Variants in KAT6B observed in about 807,000 individuals in gnomAD.
KAT6B encodes the protein lysine acetyltransferase 6B, also known as histone acetyltransferase KAT6B.
A neutral mutation model predicts 187.5 loss-of-function variants in KAT6B; 10 were observed. The observed-to-expected ratio is 0.05, with a 90% CI of 0.03 to 0.09. KAT6B has a LOEUF of 0.09. KAT6B is among the 10% of genes least tolerant of loss of function. KAT6B has a pLI of 1.00. For missense variants in KAT6B, 1,952 were observed against 2,558.9 expected (o/e 0.76, Z 5.12); for synonymous variants, 861 against 926.8 (o/e 0.93, Z 1.29).
chr10:74,973,037 G>T (rs1049047038), intron 7 of KAT6B, among the ~76,000 whole-genome samples: 9 of 152,148 alleles, frequency 5.9e-5, no homozygotes, highest in African/African-American at 1.9e-4. Flanking sequence ...TGTCACTCCA[G>T]ATAACATTTT....
intron 3 of KAT6B, among the ~76,000 whole-genome samples, chr10:74,918,009 T>G (rs1397191223): frequency 6.6e-6 from 1 of 152,234 alleles, no homozygotes; most frequent in South Asian, 2.1e-4. Flanking sequence ...AGTTTTGGCT[T>G]AAATTTTTTT....
chr10:74,853,881 G>A (rs141773091), intron 3 of KAT6B, among the ~76,000 whole-genome samples: 3,520 of 152,060 alleles, frequency 0.023, 134 homozygotes, highest in African/African-American at 0.08. Flanking sequence ...TGCCCACCTC[G>A]GCCTCCCAAA....
chr10:74,950,484 C>G (rs1462668875), intron 3 of KAT6B, among the ~76,000 whole-genome samples: 4 of 152,084 alleles, frequency 2.6e-5, no homozygotes, highest in Non-Finnish European at 5.9e-5. Flanking sequence ...ACAGGAAATC[C>G]CTACTTTTAG....
At chr10:74,861,130 C>A (rs1564527058) in intron 3 of KAT6B, among the ~76,000 whole-genome samples, 1 of 151,442 alleles carries the variant, frequency 6.6e-6, no homozygotes, top group Non-Finnish European at 1.5e-5. Context: ...GAGTGAACCT[C>A]CGTCTCAAAA....
chr10:74,881,685 G>A (rs779182605), intron 3 of KAT6B, among the ~76,000 whole-genome samples: 1 of 152,112 alleles, frequency 6.6e-6, no homozygotes, highest in South Asian at 2.1e-4. Context: ...ATGGGGTTTC[G>A]CTGTGTTGCC....
chr10:74,984,963 C>T, intron 11 of KAT6B, 117 bp from the exon 12 acceptor site: 1 of 960,026 alleles, frequency 1.0e-6, no homozygotes, highest in African/African-American at 1.6e-5. Flanking sequence ...GTTTTAATCT[C>T]TCAGTTTAGG....
chr10:74,889,194 A>AT (rs1261864584), intron 3 of KAT6B, among the ~76,000 whole-genome samples: 3 of 152,024 alleles, frequency 2.0e-5, no homozygotes, highest in African/African-American at 4.8e-5. Context: ...ATGTTGTCAA[A>AT]TTTTTTTTAC....
At chr10:75,001,879 G>T (rs1415770951) in intron 13 of KAT6B, among the ~76,000 whole-genome samples, 12 of 152,162 alleles carry the variant, frequency 7.9e-5, no homozygotes, top group Admixed American at 5.9e-4. Flanking sequence ...AACCAGGGCT[G>T]TGCAGGAGCC....
chr10:74,903,863 G>A (rs1352936940), intron 3 of KAT6B, among the ~76,000 whole-genome samples: 1 of 152,228 alleles, frequency 6.6e-6, no homozygotes, highest in Non-Finnish European at 1.5e-5. Flanking sequence ...CTCAGGGGTA[G>A]ACTTACAGGA....
chr10:74,977,495 A>G, intron 9 of KAT6B, 58 bp downstream of exon 9: 1 of 1,586,636 alleles, frequency 6.3e-7, no homozygotes, highest in Admixed American at 1.7e-5. Flanking sequence ...CTAACTATTA[A>G]TATGGAATTA....
At chr10:75,025,732 C>A (rs1388941262) in intron 17 of KAT6B, 1 of 170,150 alleles carries the variant, frequency 5.9e-6, no homozygotes, top group Non-Finnish European at 1.3e-5. Flanking sequence ...TATAAAGATT[C>A]ATCTAAACTA....
At chr10:74,982,013 G>A in intron 11 of KAT6B, 85 bp downstream of exon 11, 1 of 1,275,050 alleles carries the variant, frequency 7.8e-7, no homozygotes, top group Non-Finnish European at 1.1e-6. Flanking sequence ...TGTTTAGAAG[G>A]TACAAAGTAT....
intron 3 of KAT6B, among the ~76,000 whole-genome samples, chr10:74,906,903 A>C (rs1846802399): frequency 6.6e-6 from 1 of 152,146 alleles, no homozygotes; most frequent in South Asian, 2.1e-4. Context: ...CTACCTGGTC[A>C]CAGCTTTGCA....
chr10:74,945,204 A>C (rs887962596), intron 3 of KAT6B, among the ~76,000 whole-genome samples: 3 of 152,226 alleles, frequency 2.0e-5, no homozygotes, highest in Non-Finnish European at 2.9e-5. Flanking sequence ...GGAATAATCT[A>C]CTCACACATG....
At chr10:74,907,190 T>A (rs1450120343) in intron 3 of KAT6B, among the ~76,000 whole-genome samples, 1 of 152,154 alleles carries the variant, frequency 6.6e-6, no homozygotes, top group Non-Finnish European at 1.5e-5. Flanking sequence ...CTACAGAGAG[T>A]TGTCTGCTCT....
chr10:75,011,367 C>T (rs891198714), intron 13 of KAT6B, among the ~76,000 whole-genome samples: 90 of 152,286 alleles, frequency 5.9e-4, no homozygotes, highest in Non-Finnish European at 8.7e-4. Context: ...GGAAGACCTT[C>T]CTCTGCATGC....
intron 15 of KAT6B, 130 bp from the exon 16 acceptor site, chr10:75,021,751 G>C (rs1667721115): frequency 1.2e-6 from 1 of 868,676 alleles, no homozygotes; most frequent in South Asian, 1.4e-5. Flanking sequence ...AGATGATGCA[G>C]CTGGAATGTG....
intron 12 of KAT6B, among the ~76,000 whole-genome samples, chr10:74,987,932 C>A (rs1032355590): frequency 6.6e-6 from 1 of 152,184 alleles, no homozygotes; most frequent in African/African-American, 2.4e-5. Flanking sequence ...AGGGACAATT[C>A]ATCTTCTTAG....
chr10:74,923,310 T>C (rs1848273929), intron 3 of KAT6B, among the ~76,000 whole-genome samples: 1 of 152,178 alleles, frequency 6.6e-6, no homozygotes, highest in Non-Finnish European at 1.5e-5. Flanking sequence ...GCACCTGGTG[T>C]ATGTCAGGCA....
Sources: gnomAD v4.1 joint callset for allele counts (sites outside exome capture counted in the v4.1 genomes callset) on GRCh38, gnomAD v4.1.1 for gene constraint, MANE v1.5 for transcripts, NCBI Gene and HGNC (gene_info 2026-07-23, HGNC 2026-07-21) for gene names.